ACVR1: variants seen among roughly 807,000 people sequenced by gnomAD.
The protein encoded by ACVR1 is activin A receptor type 1, also known as activin receptor type-1.
Under a neutral mutation model 57.1 loss-of-function variants are expected in ACVR1, and 38 were observed. The ratio of observed to expected loss-of-function variants is 0.67; its 90% CI spans 0.51 to 0.87. The LOEUF (loss-of-function observed/expected upper bound fraction) is 0.87, where lower values mean the gene tolerates loss of function less well. ACVR1 is among the 40% of genes least tolerant of loss of function. ACVR1 has a pLI of 0.00. For synonymous variants in ACVR1, 212 were observed against 228.1 expected, an observed-to-expected ratio of 0.93 and a Z score of 0.63; for missense variants, 463 against 638.2, an observed-to-expected ratio of 0.73 and a Z score of 2.96.
At chr2:157,774,001 A>AC (rs1378153473) in intron 6 of ACVR1, 87 bp downstream of exon 6, 4 of 1,157,736 alleles carry the variant, frequency 3.5e-6, no homozygotes, top group Non-Finnish European at 3.8e-6. Context: ...AGGTAACAAA[A>AC]AGCAGATTTT....
chr2:157,869,929 G>C (rs1389617139), intron 1 of ACVR1, among the ~76,000 whole-genome samples: 3 of 152,156 alleles, frequency 2.0e-5, no homozygotes, highest in Non-Finnish European at 4.4e-5. Context: ...ATCAAGACAA[G>C]GGATATTCAT....
At chr2:157,863,437 C>G (rs962554259) in intron 1 of ACVR1, among the ~76,000 whole-genome samples, 14 of 131,122 alleles carry the variant, frequency 1.1e-4, no homozygotes, top group African/African-American at 3.5e-4. Context: ...TGGCTCACGC[C>G]TGTAATCCCA....
At chr2:157,772,240 A>G (rs538579182) in intron 6 of ACVR1, among the ~76,000 whole-genome samples, 2 of 152,336 alleles carry the variant, frequency 1.3e-5, no homozygotes, top group East Asian at 3.9e-4. Context: ...GCTGCCCAAA[A>G]GCCCTGGCCA....
At chr2:157,837,346 G>A (rs1422418007) in intron 1 of ACVR1, among the ~76,000 whole-genome samples, 1 of 152,140 alleles carries the variant, frequency 6.6e-6, no homozygotes, top group Non-Finnish European at 1.5e-5. Flanking sequence ...GGTCTCGTCT[G>A]AGCACAGCCT....
At chr2:157,838,312 A>C (rs1688861598) in intron 1 of ACVR1, 1 of 152,154 alleles carries the variant, frequency 6.6e-6, no homozygotes, top group African/African-American at 2.4e-5. Context: ...GCATTGCTTT[A>C]AACTTCCGAT....
At chr2:157,832,907 C>T (rs901302227) in intron 1 of ACVR1, among the ~76,000 whole-genome samples, 14 of 152,122 alleles carry the variant, frequency 9.2e-5, no homozygotes, top group Non-Finnish European at 4.4e-5. Flanking sequence ...ACAATTAATA[C>T]AATCTATATT....
intron 2 of ACVR1, among the ~76,000 whole-genome samples, chr2:157,812,238 T>C (rs1049443324): frequency 1.3e-5 from 2 of 152,200 alleles, no homozygotes; most frequent in African/African-American, 4.8e-5. Context: ...ACCATGTGGA[T>C]GCAATCACCA....
chr2:157,786,098 C>T (rs1225350658), intron 3 of ACVR1, among the ~76,000 whole-genome samples: 2 of 152,204 alleles, frequency 1.3e-5, no homozygotes, highest in Non-Finnish European at 2.9e-5. Flanking sequence ...ACCTCTCCAC[C>T]TAGTCAGTGC....
At chr2:157,795,864 T>C (rs182876839) in intron 3 of ACVR1, among the ~76,000 whole-genome samples, 97 of 152,224 alleles carry the variant, frequency 6.4e-4, no homozygotes, top group African/African-American at 2.2e-3. Context: ...CACTTCTTTG[T>C]CTCTTCTCTC....
rs540387703 is a variant in ACVR1 at position 157,872,356 on chromosome 2, T to C, written c.-183+3440A>G. Among the ~76,000 whole-genome samples the C allele has an allele frequency of 1.7e-3, 259 of 152,352 alleles. 1 individual carries two copies. Among genetic ancestry groups the C allele is most frequent in the Middle Eastern group, 3.4e-3 (1 of 294 alleles). ...CCAGCTCTGAATGGTCACACCTTAC[T>C]ACTGGGTAAAAAGGAAGGTGTCTTA... On this transcript the variant is annotated intron_variant, in intron 1 of 10. Transcript: ENST00000434821.
At chr2:157,802,878 G>A (rs1406888725) in intron 2 of ACVR1, among the ~76,000 whole-genome samples, 1 of 152,106 alleles carries the variant, frequency 6.6e-6, no homozygotes, top group Non-Finnish European at 1.5e-5. Flanking sequence ...CCAAGTAGGT[G>A]CACATTTAAT....
chr2:157,873,250 T>C (rs921581730), intron 1 of ACVR1, among the ~76,000 whole-genome samples: 1 of 152,124 alleles, frequency 6.6e-6, no homozygotes, highest in Non-Finnish European at 1.5e-5. Context: ...CTGGTTCAAA[T>C]CCCCATTCTA....
chr2:157,760,942 C>G lies in ACVR1; in HGVS notation c.1202G>C (p.Arg401Thr), dbSNP rs1301730759. The part of the protein sequence containing the change: ...IQVDCFDSYK[R>T]VDIWAFGLVL... ...AAGTCCAAAGGCCCAAATATCGACC[C>G]TTTTATAAGAATCGAAACAATCCAC... The change falls in exon 9 of 11, where the codon AGG becomes ACG. Residue 401 changes from arginine to threonine, a missense_variant. Physicochemically the swap from Arg to Thr is moderately conservative, Grantham distance 71. Transcript: ENST00000434821. 1 of 1,614,022 alleles carries G rather than the reference C, an allele frequency of 6.2e-7. No homozygotes were observed. Among genetic ancestry groups the G allele is most frequent in the African/African-American group, 1.3e-5 (1 of 74,912 alleles).
chr2:157,860,063 G>A (rs979935407), intron 1 of ACVR1: 1 of 152,124 alleles, frequency 6.6e-6, no homozygotes, highest in African/African-American at 2.4e-5. Flanking sequence ...ACCTCATGAG[G>A]TGGGCACAGG....
At chr2:157,799,406 A>T (rs1446582856) in intron 3 of ACVR1, 21 bp downstream of exon 3, 1 of 1,591,940 alleles carries the variant, frequency 6.3e-7, no homozygotes, top group Admixed American at 1.7e-5. Flanking sequence ...ATCTTAACCC[A>T]AAAAGATGTG....
intron 9 of ACVR1, among the ~76,000 whole-genome samples, chr2:157,750,569 G>A (rs1017938941): frequency 4.0e-5 from 6 of 151,624 alleles, no homozygotes; most frequent in Non-Finnish European, 8.8e-5. Flanking sequence ...AAACCAAAGC[G>A]CCCTACCAAC....
intron 2 of ACVR1, among the ~76,000 whole-genome samples, chr2:157,807,630 T>C (rs556114695): frequency 2.0e-5 from 3 of 151,892 alleles, no homozygotes; most frequent in Non-Finnish European, 2.9e-5. Flanking sequence ...CTTCTAGATA[T>C]GTAATTCTGA....
intron 9 of ACVR1, among the ~76,000 whole-genome samples, chr2:157,752,971 C>T (rs1685265647): frequency 6.6e-6 from 1 of 152,146 alleles, no homozygotes; most frequent in Non-Finnish European, 1.5e-5. Context: ...TCAATACTAA[C>T]CTTGAATGTA....
rs71421050 is a variant in ACVR1 at position 157,812,666 on chromosome 2, C to A, written c.-8+5719G>T. ...TAACAAGCACTGTGCATCATATATA[C>A]GCAAACAATTAGCCCAGGTTGGTAC... is the stretch of plus-strand genomic sequence containing the variant. On this transcript the variant is annotated intron_variant, in intron 2 of 10. Transcript: ENST00000434821. 2.8e-3 allele frequency among the ~76,000 whole-genome samples: 424 copies of A among 152,280 alleles called. 1 individual carries two copies. The highest frequency in any genetic ancestry group is 0.01 in the Middle Eastern group (3 of 294).
Sources: allele counts gnomAD v4.1 joint callset (sites outside exome capture counted in the v4.1 genomes callset), GRCh38; gene constraint gnomAD v4.1.1; transcripts MANE v1.5; gene names NCBI Gene and HGNC (gene_info 2026-07-23, HGNC 2026-07-21).